The following MACROD2 variants were observed in gnomAD, a reference collection of about 807,000 sequenced individuals.
MACROD2 encodes the protein ADP-ribose glycohydrolase MACROD2.
MACROD2 carries 36 observed loss-of-function variants against 70.4 expected under a neutral mutation model. The observed-to-expected ratio is 0.51, with a 90% CI of 0.39 to 0.68. The LOEUF (loss-of-function observed/expected upper bound fraction) is 0.68, where lower values mean the gene tolerates loss of function less well. Ranked by LOEUF, MACROD2 falls within the 30% of genes least tolerant of loss-of-function variation. MACROD2 has a pLI of 0.00. For missense variants in MACROD2, 496 were observed against 538.4 expected (o/e 0.92, Z 0.78); for synonymous variants, 172 against 178.8 (o/e 0.96, Z 0.30).
At chr20:15,704,995 A>C (rs1026696401) in intron 8 of MACROD2, among the ~76,000 whole-genome samples, 1 of 152,212 alleles carries the variant, frequency 6.6e-6, no homozygotes, top group Admixed American at 6.5e-5. Flanking sequence ...TAGTTGCTCA[A>C]TAAATGTGTA....
intron 5 of MACROD2, among the ~76,000 whole-genome samples, chr20:15,042,390 T>G (rs373730755): frequency 6.6e-6 from 1 of 152,224 alleles, no homozygotes; most frequent in African/African-American, 2.4e-5. Context: ...ATCTGTGTAA[T>G]GCTCAATCAT....
intron 6 of MACROD2, among the ~76,000 whole-genome samples, chr20:15,322,117 G>T (rs1051642697): frequency 7.0e-6 from 1 of 143,566 alleles, no homozygotes; most frequent in Non-Finnish European, 1.6e-5. Flanking sequence ...AAACTTAAGG[G>T]GTTGAAATTT....
chr20:15,652,687 G>A (rs1245439168), intron 8 of MACROD2, among the ~76,000 whole-genome samples: 1 of 151,656 alleles, frequency 6.6e-6, no homozygotes, highest in Non-Finnish European at 1.5e-5. Context: ...AATGCCACAA[G>A]TCTATTTTAT....
At chr20:15,107,365 GAAA>G (rs948778886) in intron 5 of MACROD2, among the ~76,000 whole-genome samples, 1 of 147,404 alleles carries the variant, frequency 6.8e-6, no homozygotes, top group Admixed American at 6.8e-5. Context: ...ATTAATAGTT[GAAA>G]AAAAAAACTA....
At chr20:15,209,145 A>ATTTT (rs1431854428) in intron 5 of MACROD2, among the ~76,000 whole-genome samples, 6 of 146,322 alleles carry the variant, frequency 4.1e-5, no homozygotes, top group Non-Finnish European at 7.5e-5. Flanking sequence ...TTATTTATTT[A>ATTTT]TTTTTTAGTC....
At chr20:15,520,854 A>G (rs1444869727) in intron 8 of MACROD2, among the ~76,000 whole-genome samples, 1 of 152,190 alleles carries the variant, frequency 6.6e-6, no homozygotes, top group Non-Finnish European at 1.5e-5. Context: ...CCACACATTC[A>G]TCTTCCCACT....
chr20:14,228,070 T>C (rs1422327346), intron 3 of MACROD2, among the ~76,000 whole-genome samples: 1 of 152,064 alleles, frequency 6.6e-6, no homozygotes, highest in Non-Finnish European at 1.5e-5. Flanking sequence ...TGTAAAAAAC[T>C]GGCTTGTTTT....
At chr20:14,316,681 C>T (rs897931137) in intron 3 of MACROD2, among the ~76,000 whole-genome samples, 4 of 152,246 alleles carry the variant, frequency 2.6e-5, no homozygotes, top group Admixed American at 6.5e-5. Flanking sequence ...ATTGAACACC[C>T]CTGATGAAGA....
Position 14,821,617 on chromosome 20 carries a change from T to C in MACROD2, c.418+136658T>C, listed in dbSNP as rs559586139. ...ACAGCCTCACCTAATTGTTTCTTTC[T>C]CTTTTGTTTTCCCTAAGTCTAGTCC... On this transcript the variant is annotated intron_variant, in intron 5 of 17. Transcript: ENST00000684519. 3.9e-4 allele frequency among the ~76,000 whole-genome samples: 59 copies of C among 152,248 alleles called. No homozygotes were observed. In the South Asian group the frequency reaches 8.9e-3, roughly 23 times the overall value.
intron 8 of MACROD2, among the ~76,000 whole-genome samples, chr20:15,614,786 G>A (rs2049015574): frequency 6.6e-6 from 1 of 152,052 alleles, no homozygotes; most frequent in Non-Finnish European, 1.5e-5. Context: ...ATAACATACA[G>A]AATAATGGGT....
chr20:14,155,623 T>A (rs532014476), intron 3 of MACROD2, among the ~76,000 whole-genome samples: 1 of 152,198 alleles, frequency 6.6e-6, no homozygotes, highest in African/African-American at 2.4e-5. Context: ...ATAAATGTGT[T>A]CCTGGCTTTT....
intron 4 of MACROD2, among the ~76,000 whole-genome samples, chr20:14,637,374 C>G (rs1600485663): frequency 6.6e-6 from 1 of 152,090 alleles, no homozygotes; most frequent in Non-Finnish European, 1.5e-5. Context: ...GATATATAAC[C>G]CCTGTACAAG....
chr20:15,255,995 G>GACTCCTTTTTTTC (rs1268186166), intron 6 of MACROD2, among the ~76,000 whole-genome samples: 3 of 152,132 alleles, frequency 2.0e-5, no homozygotes, highest in South Asian at 4.1e-4. Flanking sequence ...AAAATGCAGA[G>GACTCCTTTTTTTC]ACTCCTTTTT....
rs7261416 is a variant in MACROD2, at chr20:15,268,410, G to A, written c.540+38349G>A. The stretch of plus-strand genomic sequence containing the variant: ...CTCACGCCTGTAATCCCAGAACTTT[G>A]GGAGGCCGAGGTGGGTGGATCATGA... On this transcript the variant is annotated intron_variant, in intron 6 of 17. Coordinates refer to ENST00000684519, the MANE Select transcript of MACROD2 (RefSeq NM_001351661.2). Among the ~76,000 whole-genome samples, 1,121 of 152,304 alleles carry A rather than the reference G, an allele frequency of 7.4e-3. 14 individuals are homozygous for A. Among genetic ancestry groups the A allele is most frequent in the African/African-American group, 0.025 (1,057 of 41,548 alleles).
intron 5 of MACROD2, among the ~76,000 whole-genome samples, chr20:15,057,018 G>T (rs528229528): frequency 3.3e-4 from 51 of 152,298 alleles, no homozygotes; most frequent in South Asian, 1.4e-3. Context: ...TGTTTAAGAT[G>T]ATTGTCTCTG....
At chr20:14,608,224 C>T (rs192029285) in intron 4 of MACROD2, among the ~76,000 whole-genome samples, 19 of 152,142 alleles carry the variant, frequency 1.2e-4, no homozygotes, top group African/African-American at 4.3e-4. Context: ...CCATTGCACT[C>T]CAACCTGGGC....
At chr20:14,403,870 C>CA (rs1227706244) in intron 3 of MACROD2, among the ~76,000 whole-genome samples, 1 of 151,990 alleles carries the variant, frequency 6.6e-6, no homozygotes. Flanking sequence ...ATTCATAAAA[C>CA]ATGCAAGAGC....
chr20:15,531,874 C>A (rs1270960628), intron 8 of MACROD2, among the ~76,000 whole-genome samples: 1 of 152,064 alleles, frequency 6.6e-6, no homozygotes, highest in Non-Finnish European at 1.5e-5. Flanking sequence ...ATAGGGAAGT[C>A]TGTTGTCTTT....
chr20:14,939,185 G>A (rs2074369269), intron 5 of MACROD2, among the ~76,000 whole-genome samples: 4 of 151,910 alleles, frequency 2.6e-5, no homozygotes. Flanking sequence ...TTGGCCTGGA[G>A]CATCTCCCCA....
Sources: gnomAD v4.1 joint callset for allele counts (sites outside exome capture counted in the v4.1 genomes callset) on GRCh38, gnomAD v4.1.1 for gene constraint, MANE v1.5 for transcripts, NCBI Gene and HGNC (gene_info 2026-07-23, HGNC 2026-07-21) for gene names.